HELLS: variants seen among roughly 807,000 people sequenced by gnomAD.
HELLS encodes helicase, lymphoid specific.
A neutral mutation model predicts 120.0 loss-of-function variants in HELLS; 32 were observed. The ratio of observed to expected loss-of-function variants is 0.27; its 90% CI spans 0.20 to 0.36. The LOEUF (loss-of-function observed/expected upper bound fraction) is 0.36. HELLS is among the 10% of genes least tolerant of loss of function. The pLI, the probability that HELLS is intolerant of heterozygous loss-of-function variation, is 1.00. For synonymous variants in HELLS, 341 were observed against 323.4 expected, an observed-to-expected ratio of 1.05 and a Z score of -0.58; for missense variants, 650 against 993.4, an observed-to-expected ratio of 0.65 and a Z score of 4.65.
At chr10:94,581,680 A>T (rs1044585145) in intron 11 of HELLS, among the ~76,000 whole-genome samples, 158 bp downstream of exon 11, 6 of 152,228 alleles carry the variant, frequency 3.9e-5, no homozygotes, top group Non-Finnish European at 1.5e-5. Flanking sequence ...ATGTGAGAGC[A>T]GATTAAGAAA....
intron 6 of HELLS, among the ~76,000 whole-genome samples, chr10:94,563,437 G>T (rs911500658): frequency 6.6e-6 from 1 of 151,922 alleles, no homozygotes; most frequent in Admixed American, 6.6e-5. Context: ...GGTTGTTCTG[G>T]TTTTCTTTTC....
chr10:94,585,173 G>A (rs1845061123), intron 12 of HELLS, among the ~76,000 whole-genome samples: 1 of 151,436 alleles, frequency 6.6e-6, no homozygotes, highest in Admixed American at 6.6e-5. Flanking sequence ...CCATATTGAA[G>A]GCCAAAAGCA....
chr10:94,586,534 G>C (rs1181455607), intron 12 of HELLS, among the ~76,000 whole-genome samples: 1 of 152,088 alleles, frequency 6.6e-6, no homozygotes, highest in East Asian at 1.9e-4. Flanking sequence ...ACTATCTTTG[G>C]TAATAGTCTG....
chr10:94,609,580 C>T (rs1178892465), intron 9 of HELLS, among the ~76,000 whole-genome samples: 3 of 152,172 alleles, frequency 2.0e-5, no homozygotes, highest in African/African-American at 7.2e-5. Flanking sequence ...TATCTTGCCT[C>T]TCTTAAGTCT....
At chr10:94,582,456 T>A (rs543602006) in intron 11 of HELLS, among the ~76,000 whole-genome samples, 1 of 152,298 alleles carries the variant, frequency 6.6e-6, no homozygotes, top group African/African-American at 2.4e-5. Context: ...TATTCTATAT[T>A]ATTAATCTGC....
downstream of HELLS, among the ~76,000 whole-genome samples, chr10:94,602,716 G>A (rs1846076986): frequency 6.6e-6 from 1 of 151,978 alleles, no homozygotes; most frequent in South Asian, 2.1e-4. Flanking sequence ...TATTTTAATC[G>A]TTTTGAGGTA....
intron 4 of HELLS, among the ~76,000 whole-genome samples, chr10:94,561,296 T>C (rs915050191): frequency 4.6e-5 from 7 of 151,904 alleles, no homozygotes; most frequent in African/African-American, 1.7e-4. Context: ...TACCTAGGGG[T>C]TTTGAAGAAC....
At chr10:94,587,281 C>G (rs1263695562) in intron 12 of HELLS, among the ~76,000 whole-genome samples, 1 of 151,970 alleles carries the variant, frequency 6.6e-6, no homozygotes, top group Admixed American at 6.6e-5. Flanking sequence ...TTTTTGGGTA[C>G]ATAGTAGATG....
chr10:94,585,834 A>T (rs1262462413), intron 12 of HELLS, among the ~76,000 whole-genome samples: 1 of 151,954 alleles, frequency 6.6e-6, no homozygotes, highest in Admixed American at 6.6e-5. Context: ...CAGCCTTCTG[A>T]GTTGCTGGAA....
intron 9 of HELLS, among the ~76,000 whole-genome samples, chr10:94,575,822 A>T (rs1370322531): frequency 2.1e-5 from 3 of 144,684 alleles, no homozygotes; most frequent in Non-Finnish European, 4.5e-5. Context: ...TGTATGACAG[A>T]GTTTCACTGT....
At chr10:94,592,190 G>A (rs1278737515) in intron 15 of HELLS, 39 bp from the exon 16 acceptor site, 6 of 1,450,936 alleles carry the variant, frequency 4.1e-6, no homozygotes, top group African/African-American at 1.4e-5. Flanking sequence ...GCAAATAACA[G>A]TTTTCTCTCT....
chr10:94,558,810 C>T (rs1010788874), intron 4 of HELLS, among the ~76,000 whole-genome samples: 1 of 152,082 alleles, frequency 6.6e-6, no homozygotes. Flanking sequence ...ACTGTGTTAG[C>T]CACGATGGTC....
Position 94,574,024 on chromosome 10 carries a change from G to T in HELLS, c.542G>T (p.Ser181Ile). The change falls in exon 8 of 22, where the codon AGT becomes ATT. Residue 181 changes from serine (S) to isoleucine (I), a missense_variant. Physicochemically the swap from Ser to Ile is moderately radical, Grantham distance 142. This residue lies in a region of HELLS where 113 missense variants were observed against 120.7 expected (regional missense o/e 0.94). Transcript: ENST00000348459. Reference protein sequence around the residue: ...EDLQKNKDSNSIIKDRLSETV... With the variant: ...EDLQKNKDSNIIIKDRLSETV... ...CTTCAGAAAAATAAAGATTCGAATAGTATAATTAAAGATAGATTGTCTGAA... is the reference window on the plus strand; with the variant it reads ...CTTCAGAAAAATAAAGATTCGAATATTATAATTAAAGATAGATTGTCTGAA... The T allele has an allele frequency of 6.2e-7, 1 of 1,611,458 alleles. No homozygotes were observed. The highest frequency in any genetic ancestry group is 8.5e-7 in the Non-Finnish European group (1 of 1,177,670).
rs1215476802 is a variant in HELLS at position 94,561,851 on chromosome 10, T to A, written c.334-840T>A. On this transcript the variant is annotated intron_variant, in intron 4 of 21. Transcript: ENST00000348459. ...TATTCTCTTTTATTTCTGCTTTGGGTTATATTTAATGTATGAATTTCATTC... is the reference window on the plus strand; with the variant it reads ...TATTCTCTTTTATTTCTGCTTTGGGATATATTTAATGTATGAATTTCATTC... Among the ~76,000 whole-genome samples the A allele has an allele frequency of 2.6e-5, 4 of 151,168 alleles. No individual in the cohort carries two copies. In the East Asian group the frequency reaches 7.9e-4, roughly 30 times the overall value.
intron 7 of HELLS, among the ~76,000 whole-genome samples, chr10:94,573,010 A>G (rs1247638830): frequency 6.6e-6 from 1 of 151,902 alleles, no homozygotes; most frequent in African/African-American, 2.4e-5. Context: ...CCCAGGCTGG[A>G]GTGCAATGGC....
At chr10:94,610,352 A>T (rs1250515350) in exon 10 of HELLS, 1 of 151,810 alleles carries the variant, frequency 6.6e-6, no homozygotes, top group Non-Finnish European at 1.5e-5. Context: ...GCAGTTTGGG[A>T]GGCTGAGGCT....
chr10:94,586,341 TCGA>T (rs1263087315), intron 12 of HELLS, among the ~76,000 whole-genome samples: 2 of 152,190 alleles, frequency 1.3e-5, no homozygotes, highest in Non-Finnish European at 2.9e-5. Flanking sequence ...CGGGATGGTC[TCGA>T]TCTCCTGACC....
chr10:94,549,587 C>A (rs1842888365), intron 2 of HELLS, among the ~76,000 whole-genome samples: 1 of 151,968 alleles, frequency 6.6e-6, no homozygotes, highest in South Asian at 2.1e-4. Context: ...AAATAGAACT[C>A]CTCCCACCCC....
At chr10:94,568,161 G>A (rs760328991) in intron 6 of HELLS, among the ~76,000 whole-genome samples, 53 of 150,914 alleles carry the variant, frequency 3.5e-4, no homozygotes, top group Admixed American at 2.3e-3. Context: ...ATCTGCCTTG[G>A]CCTCCCAAAG....
Sources: gnomAD v4.1 joint callset for allele counts (sites outside exome capture counted in the v4.1 genomes callset) on GRCh38, gnomAD v4.1.1 for gene constraint, gnomAD v4.1.1 regional missense constraint, MANE v1.5 for transcripts, NCBI Gene and HGNC (gene_info 2026-07-23, HGNC 2026-07-21) for gene names.